TFEC: variants seen among roughly 807,000 people sequenced by gnomAD.
TFEC encodes class E basic helix-loop-helix protein 34.
Under a neutral mutation model 41.6 loss-of-function variants are expected in TFEC, and 31 were observed. That is an observed-to-expected ratio of 0.74 (90% CI 0.56 to 1.01). The LOEUF (loss-of-function observed/expected upper bound fraction) is 1.01, where lower values mean the gene tolerates loss of function less well. TFEC is among the 50% of genes least tolerant of loss of function. The probability of loss-of-function intolerance (pLI) is 0.00; values close to 1 mark genes in which losing one functional copy is unlikely to be tolerated. For synonymous variants in TFEC, 143 were observed against 140.6 expected, an observed-to-expected ratio of 1.02 and a Z score of -0.12; for missense variants, 402 against 404.1, an observed-to-expected ratio of 0.99 and a Z score of 0.04.
At chr7:115,978,390 A>G (rs1793479950) in intron 2 of TFEC, among the ~76,000 whole-genome samples, 1 of 152,208 alleles carries the variant, frequency 6.6e-6, no homozygotes, top group African/African-American at 2.4e-5. Context: ...TGAATATTTT[A>G]ACTCAGCACT....
At chr7:116,095,266 CT>C (rs1318911172) in intron 3 of TFEC, among the ~76,000 whole-genome samples, 3 of 152,046 alleles carry the variant, frequency 2.0e-5, no homozygotes, top group African/African-American at 4.8e-5. Flanking sequence ...TAAAGTTTTT[CT>C]GTTTTATTGA....
At position 115,939,755 on chromosome 7, in the gene TFEC, C is replaced by T. The variant is rs1403577515; in HGVS notation, c.*796G>A. 1 of 152,000 alleles carries T rather than the reference C, an allele frequency of 6.6e-6. No homozygotes were observed. Among genetic ancestry groups the T allele is most frequent in the African/African-American group, 2.4e-5 (1 of 41,410 alleles). The allele number at this position is 152,000 out of a possible 1,614,324, so 9.4% of individuals were successfully genotyped here. A position where few individuals can be genotyped will look rare whatever the true frequency, so the allele number is the denominator to read the frequency against. On this transcript the variant is annotated 3_prime_UTR_variant, in exon 8 of 8. Transcript: ENST00000265440. ...AAGAAAACAAAAGAACATATACTAC[C>T]TGAATGATGTGCATATGTGTATGTG...
intron 5 of TFEC, among the ~76,000 whole-genome samples, chr7:115,953,916 C>G (rs1232069007): frequency 6.6e-6 from 1 of 152,034 alleles, no homozygotes; most frequent in Non-Finnish European, 1.5e-5. Flanking sequence ...CTACTCTGTT[C>G]TCAGTTTTTG....
chr7:115,976,731 TGAA>T (rs1363149446), intron 2 of TFEC, among the ~76,000 whole-genome samples: 1 of 152,204 alleles, frequency 6.6e-6, no homozygotes, highest in Non-Finnish European at 1.5e-5. Flanking sequence ...TGAACAGATG[TGAA>T]GAAGATTTGA....
chr7:116,008,463 A>G (rs1794883740), intron 1 of TFEC, among the ~76,000 whole-genome samples: 1 of 152,184 alleles, frequency 6.6e-6, no homozygotes, highest in South Asian at 2.1e-4. Context: ...TTAATTTCAT[A>G]CTAAGCTTGA....
chr7:116,082,357 G>A (rs1797110607), intron 3 of TFEC, among the ~76,000 whole-genome samples: 1 of 151,834 alleles, frequency 6.6e-6, no homozygotes, highest in East Asian at 1.9e-4. Flanking sequence ...AGATTAACTT[G>A]ATAAACTACA....
intron 1 of TFEC, among the ~76,000 whole-genome samples, chr7:115,990,115 T>A (rs982183070): frequency 3.3e-5 from 5 of 152,192 alleles, no homozygotes; most frequent in African/African-American, 4.8e-5. Context: ...AGGAAAACGG[T>A]GTCTGGAGTG....
chr7:116,061,727 A>G (rs59365293), intron 3 of TFEC, among the ~76,000 whole-genome samples: 36,494 of 152,002 alleles, frequency 0.24, 4,536 homozygotes, highest in East Asian at 0.39. Flanking sequence ...TATATTCAGA[A>G]TATGTTCTGA....
chr7:116,028,578 T>C (rs542874183), intron 1 of TFEC, among the ~76,000 whole-genome samples: 49 of 152,314 alleles, frequency 3.2e-4, no homozygotes, highest in African/African-American at 1.1e-3. Context: ...TGTTGACAAA[T>C]AGTTCAAAAT....
chr7:116,157,184 A>G (rs1276278302), intron 1 of TFEC: 1 of 152,140 alleles, frequency 6.6e-6, no homozygotes, highest in South Asian at 2.1e-4. Flanking sequence ...TTTCACATGC[A>G]GAAGAGTGAA....
In TFEC at chr7:116,095,443, T is replaced by C. The variant is rs574500042; in HGVS notation, c.198+15265A>G. Among the ~76,000 whole-genome samples, 14 of 152,228 alleles carry C rather than the reference T, an allele frequency of 9.2e-5. No individual in the cohort carries two copies. In the East Asian group the frequency reaches 2.3e-3, roughly 25 times the overall value. On this transcript the variant is annotated intron_variant, in intron 3 of 8. Coordinates refer to the TFEC transcript ENST00000484212. ...ACACATACACATATACATACACACA[T>C]ACACATATACATACACACATATCCA... is the stretch of plus-strand genomic sequence containing the variant.
rs5886802 is a variant in TFEC at position 116,003,251 on chromosome 7, T to TA, written c.-72-18739dup. 4.5e-3 allele frequency among the ~76,000 whole-genome samples: 673 copies of TA among 150,642 alleles called. 7 individuals are homozygous for TA. Among genetic ancestry groups the TA allele is most frequent in the African/African-American group, 0.015 (623 of 41,026 alleles). ...CATTACCATTTTTAAACTTTAAATT[T>TA]AAAAAAAAAAATTAAATAATTAAAA... On this transcript the variant is annotated intron_variant, in intron 1 of 7. Coordinates refer to ENST00000265440, the MANE Select transcript of TFEC (RefSeq NM_012252.4).
intron 6 of TFEC, among the ~76,000 whole-genome samples, chr7:115,943,633 G>A (rs1407322178): frequency 6.6e-6 from 1 of 151,198 alleles, no homozygotes; most frequent in Admixed American, 6.6e-5. Context: ...ATTTACTAAA[G>A]AGACTTTTGC....
intron 1 of TFEC, among the ~76,000 whole-genome samples, chr7:116,026,134 G>A (rs950719161): frequency 6.6e-6 from 1 of 152,172 alleles, no homozygotes; most frequent in Non-Finnish European, 1.5e-5. Flanking sequence ...TTCATGGTCT[G>A]CCCCCACCTT....
chr7:116,037,751 C>T (rs2130912774), intron 3 of TFEC, among the ~76,000 whole-genome samples: 1 of 151,866 alleles, frequency 6.6e-6, no homozygotes, highest in East Asian at 1.9e-4. Context: ...TGAAACTTAC[C>T]AAGATTTTTA....
chr7:116,071,213 C>T (rs1488423763), intron 3 of TFEC, among the ~76,000 whole-genome samples: 1 of 150,774 alleles, frequency 6.6e-6, no homozygotes, highest in African/African-American at 2.4e-5. Context: ...ATTCTTGACA[C>T]AAAAATAATA....
intron 3 of TFEC, among the ~76,000 whole-genome samples, chr7:115,963,727 G>A (rs765778718): frequency 6.6e-6 from 1 of 151,674 alleles, no homozygotes; most frequent in Non-Finnish European, 1.5e-5. Context: ...CATAGAGACA[G>A]AAAGTAGACC....
intron 3 of TFEC, among the ~76,000 whole-genome samples, chr7:116,100,212 A>G (rs946604881): frequency 7.2e-5 from 11 of 152,190 alleles, no homozygotes; most frequent in Admixed American, 2.6e-4. Flanking sequence ...ACCACTATAG[A>G]CTGTGGTCTC....
intron 1 of TFEC, among the ~76,000 whole-genome samples, chr7:115,995,018 T>TA (rs898630859): frequency 6.6e-6 from 1 of 151,928 alleles, no homozygotes; most frequent in Non-Finnish European, 1.5e-5. Context: ...TATGCAGCCA[T>TA]AAAAAAGGAT....
Sources: allele counts gnomAD v4.1 joint callset (sites outside exome capture counted in the v4.1 genomes callset), GRCh38; gene constraint gnomAD v4.1.1; transcripts MANE v1.5; gene names NCBI Gene and HGNC (gene_info 2026-07-23, HGNC 2026-07-21).